The following ST6GALNAC3 variants were observed in gnomAD, a reference collection of about 807,000 sequenced individuals.
The protein encoded by ST6GALNAC3 is alpha-N-acetylgalactosaminide alpha-2,6-sialyltransferase 3.
Under a neutral mutation model 32.7 loss-of-function variants are expected in ST6GALNAC3, and 25 were observed. That is an observed-to-expected ratio of 0.76 (90% CI 0.56 to 1.07). The LOEUF is 1.07. ST6GALNAC3 is among the 50% of genes least tolerant of loss of function. ST6GALNAC3 has a pLI of 0.00. For synonymous variants in ST6GALNAC3, 129 were observed against 133.1 expected (o/e 0.97, Z 0.21); for missense variants, 355 against 382.4 (o/e 0.93, Z 0.60).
At chr1:76,470,581 G>T (rs1296899179) in intron 3 of ST6GALNAC3, among the ~76,000 whole-genome samples, 1 of 152,016 alleles carries the variant, frequency 6.6e-6, no homozygotes, top group Non-Finnish European at 1.5e-5. Flanking sequence ...CTCCTGTGTT[G>T]TCTCCCTGTT....
chr1:76,139,536 T>C (rs1650184457), intron 1 of ST6GALNAC3, among the ~76,000 whole-genome samples: 1 of 152,226 alleles, frequency 6.6e-6, no homozygotes, highest in Non-Finnish European at 1.5e-5. Context: ...GAAGCCAAGC[T>C]GAAAGCTTTT....
chr1:76,370,362 T>G (rs1650720746), intron 2 of ST6GALNAC3, among the ~76,000 whole-genome samples: 1 of 152,180 alleles, frequency 6.6e-6, no homozygotes, highest in Admixed American at 6.6e-5. Context: ...CGTAAACAGA[T>G]AACTCATCCA....
chr1:76,112,508 G>A (rs1648092280), intron 1 of ST6GALNAC3, among the ~76,000 whole-genome samples: 2 of 151,526 alleles, frequency 1.3e-5, no homozygotes, highest in Middle Eastern at 3.4e-3. Context: ...GCGGCTGGCC[G>A]GGCGGGGTAT....
At chr1:76,326,073 C>G (rs542588311) in intron 2 of ST6GALNAC3, among the ~76,000 whole-genome samples, 1 of 152,172 alleles carries the variant, frequency 6.6e-6, no homozygotes, top group African/African-American at 2.4e-5. Flanking sequence ...ATTGTTTATT[C>G]TTGCTCATGT....
At chr1:76,081,362 GCCACATTCAAAGCTGTC>G (rs1272817636) in intron 1 of ST6GALNAC3, among the ~76,000 whole-genome samples, 3 of 151,938 alleles carry the variant, frequency 2.0e-5, no homozygotes, top group African/African-American at 4.8e-5. Context: ...TTTGTGTTGG[GCCACATTCAAAGCTGTC>G]CTGCGCTGCG....
chr1:76,400,117 A>T (rs1653291955), intron 2 of ST6GALNAC3, among the ~76,000 whole-genome samples: 1 of 152,184 alleles, frequency 6.6e-6, no homozygotes, highest in Non-Finnish European at 1.5e-5. Context: ...ATAGCTTCCA[A>T]AAATTTAACA....
intron 3 of ST6GALNAC3, among the ~76,000 whole-genome samples, chr1:76,482,928 A>G (rs992107992): frequency 1.0e-4 from 13 of 126,600 alleles, no homozygotes; most frequent in African/African-American, 4.0e-4. Context: ...TCCTGTGTCC[A>G]TCTGTTCTCA....
rs1647076780 is a variant in ST6GALNAC3 at position 76,593,148 on chromosome 1, C to A, written c.624-34304C>A. 2.0e-5 allele frequency among the ~76,000 whole-genome samples: 3 copies of A among 152,128 alleles called. No homozygotes were observed. In the South Asian group the frequency reaches 6.2e-4, roughly 32 times the overall value. On this transcript the variant is annotated intron_variant, in intron 3 of 4. Transcript: ENST00000328299. ...GAGGACAAGAACAGAAGAATTATTT[C>A]ATAAAGAAAATAATCAATGAATCAT...
At chr1:76,219,031 A>T (rs530927238) in intron 1 of ST6GALNAC3, among the ~76,000 whole-genome samples, 1 of 152,212 alleles carries the variant, frequency 6.6e-6, no homozygotes. Flanking sequence ...TTTAAGTAAT[A>T]TGTTGCCCAA....
intron 1 of ST6GALNAC3, among the ~76,000 whole-genome samples, chr1:76,222,136 A>G (rs1304302306): frequency 6.6e-6 from 1 of 152,148 alleles, no homozygotes; most frequent in Non-Finnish European, 1.5e-5. Flanking sequence ...TTAAACATTT[A>G]AAATGTGCTT....
chr1:76,119,993 G>A (rs1648763400), intron 1 of ST6GALNAC3, among the ~76,000 whole-genome samples: 2 of 152,250 alleles, frequency 1.3e-5, no homozygotes, highest in Non-Finnish European at 2.9e-5. Flanking sequence ...TCTACCCGGA[G>A]TGCCCAGCAC....
At chr1:76,232,176 G>A (rs186189012) in intron 1 of ST6GALNAC3, among the ~76,000 whole-genome samples, 14 of 152,256 alleles carry the variant, frequency 9.2e-5, no homozygotes, top group East Asian at 1.9e-4. Flanking sequence ...AGTGGTTGAC[G>A]CTGGACAGAA....
chr1:76,265,031 T>G (rs2100739269), intron 1 of ST6GALNAC3, among the ~76,000 whole-genome samples: 1 of 152,198 alleles, frequency 6.6e-6, no homozygotes, highest in Admixed American at 6.5e-5. Context: ...ATGAAGCAAG[T>G]TAACTGTTTC....
chr1:76,479,932 C>A (rs1261689039), intron 3 of ST6GALNAC3, among the ~76,000 whole-genome samples: 6 of 151,778 alleles, frequency 4.0e-5, no homozygotes, highest in Non-Finnish European at 8.8e-5. Context: ...AAATAAAAAG[C>A]AAATAATCTT....
At chr1:76,215,212 T>G (rs1325320635) in intron 1 of ST6GALNAC3, among the ~76,000 whole-genome samples, 1 of 152,160 alleles carries the variant, frequency 6.6e-6, no homozygotes, top group African/African-American at 2.4e-5. Context: ...AATACAATCC[T>G]TAAAAGTTTC....
intron 1 of ST6GALNAC3, among the ~76,000 whole-genome samples, chr1:76,097,836 G>A (rs1052532869): frequency 6.6e-6 from 1 of 152,116 alleles, no homozygotes; most frequent in Non-Finnish European, 1.5e-5. Flanking sequence ...ACATGTGCAT[G>A]CATTTCTGTT....
intron 2 of ST6GALNAC3, among the ~76,000 whole-genome samples, chr1:76,363,922 T>G (rs1222897741): frequency 1.3e-5 from 2 of 152,130 alleles, no homozygotes; most frequent in African/African-American, 2.4e-5. Context: ...AAACTATTCA[T>G]GATAATCTTC....
At chr1:76,438,715 T>G (rs543807413) in intron 3 of ST6GALNAC3, among the ~76,000 whole-genome samples, 2 of 152,234 alleles carry the variant, frequency 1.3e-5, no homozygotes, top group Admixed American at 1.3e-4. Flanking sequence ...CCTCAGTACC[T>G]CTCCTCTGAG....
At chr1:76,377,378 A>C (rs1357280925) in intron 2 of ST6GALNAC3, among the ~76,000 whole-genome samples, 2 of 152,174 alleles carry the variant, frequency 1.3e-5, no homozygotes, top group African/African-American at 4.8e-5. Context: ...CACAGGCTCT[A>C]CAGGAAGCAT....
Sources: gnomAD v4.1 joint callset for allele counts (sites outside exome capture counted in the v4.1 genomes callset) on GRCh38, gnomAD v4.1.1 for gene constraint, MANE v1.5 for transcripts, NCBI Gene and HGNC (gene_info 2026-07-23, HGNC 2026-07-21) for gene names.